Variants in SLCO1B1 observed in about 807,000 individuals in gnomAD.
SLCO1B1 encodes OATP-2.
Under a neutral mutation model 70.1 loss-of-function variants are expected in SLCO1B1, and 81 were observed. The observed-to-expected ratio is 1.16, with a 90% CI of 0.97 to 1.39. The LOEUF is 1.39. Ranked by LOEUF, SLCO1B1 falls within the 40% of genes most tolerant of loss-of-function variation. SLCO1B1 has a pLI of 0.00. For missense variants in SLCO1B1, 895 were observed against 799.6 expected (o/e 1.12, Z -1.44); for synonymous variants, 283 against 271.5 (o/e 1.04, Z -0.42).
intron 2 of SLCO1B1, among the ~76,000 whole-genome samples, chr12:21,142,069 T>TA (rs201192922): frequency 0.19 from 10,431 of 54,112 alleles, 1,057 homozygotes; most frequent in African/African-American, 0.28. Flanking sequence ...AAAAATTCTT[T>TA]TAAAAAAAAA....
At chr12:21,156,377 C>T (rs1045872997) in intron 2 of SLCO1B1, among the ~76,000 whole-genome samples, 6 of 152,034 alleles carry the variant, frequency 3.9e-5, no homozygotes, top group Admixed American at 3.3e-4. Context: ...GCAGCTAAAT[C>T]TAATGATATA....
At chr12:21,185,606 G>C (rs1201986973) in intron 7 of SLCO1B1, among the ~76,000 whole-genome samples, 1 of 151,874 alleles carries the variant, frequency 6.6e-6, no homozygotes, top group Non-Finnish European at 1.5e-5. Context: ...TTAAGAGGAA[G>C]TTTACAATGC....
chr12:21,232,162 T>G (rs1941545223), intron 14 of SLCO1B1, among the ~76,000 whole-genome samples: 1 of 152,086 alleles, frequency 6.6e-6, no homozygotes, highest in Admixed American at 6.6e-5. Context: ...CAGAAAGCAT[T>G]CATTCCCTGG....
At chr12:21,151,405 A>G (rs769245119) in intron 2 of SLCO1B1, among the ~76,000 whole-genome samples, 2 of 152,170 alleles carry the variant, frequency 1.3e-5, no homozygotes, top group Non-Finnish European at 2.9e-5. Context: ...CATGGGTAGT[A>G]TGAGTACCTG....
chr12:21,193,160 A>G (rs1056170533), intron 7 of SLCO1B1, among the ~76,000 whole-genome samples: 11 of 152,176 alleles, frequency 7.2e-5, no homozygotes, highest in South Asian at 6.2e-4. Context: ...TGAAAAGAAT[A>G]TACATTCTGT....
At chr12:21,183,019 G>A (rs76447555) in intron 7 of SLCO1B1, among the ~76,000 whole-genome samples, 6 of 152,022 alleles carry the variant, frequency 3.9e-5, no homozygotes, top group Non-Finnish European at 5.9e-5. Flanking sequence ...CGGGAGATTG[G>A]GGGGGTGTCC....
intron 14 of SLCO1B1, among the ~76,000 whole-genome samples, chr12:21,230,365 T>C (rs868498915): frequency 4.1e-5 from 6 of 146,834 alleles, no homozygotes; most frequent in South Asian, 2.2e-4. Context: ...AGTTTTGCTC[T>C]TGTTACCCAG....
chr12:21,224,858 A>G lies in SLCO1B1; in HGVS notation c.1865+19A>G. On this transcript the variant is annotated intron_variant, in intron 14 of 14. Coordinates refer to ENST00000256958, the MANE Select transcript of SLCO1B1 (RefSeq NM_006446.5). ...CATTTTCGTAAGTTGTCATAAATAT[A>G]TTTCATTATTTTTTCTTTGACTATA... 1.5e-6 allele frequency: 2 copies of G among 1,309,604 alleles called. No homozygotes were observed. Among genetic ancestry groups the G allele is most frequent in the South Asian group, 2.5e-5 (2 of 79,462 alleles). 81.1% of individuals were successfully genotyped at this position (1,309,604 alleles called of 1,614,324 possible).
At chr12:21,166,179 ATCTC>A (rs1940683004) in intron 2 of SLCO1B1, among the ~76,000 whole-genome samples, 1 of 152,150 alleles carries the variant, frequency 6.6e-6, no homozygotes, top group Non-Finnish European at 1.5e-5. Flanking sequence ...AAAATATATG[ATCTC>A]AATATCGTAG....
chr12:21,239,337 T>A lies in SLCO1B1; in HGVS notation c.*148T>A, dbSNP rs930862726. The A allele has an allele frequency of 1.0e-5, 7 of 689,560 alleles. No individual in the cohort carries two copies. Among genetic ancestry groups the A allele is most frequent in the Admixed American group, 8.8e-5 (4 of 45,440 alleles). The allele number at this position is 689,560 out of a possible 1,614,324, so 42.7% of individuals were successfully genotyped here. ...AAGTATAAATAAGCCTATGAACTTA[T>A]AATAAAACAAACTGTAGGTAGAAAA... On this transcript the variant is annotated 3_prime_UTR_variant, in exon 15 of 15. Coordinates refer to ENST00000256958, the MANE Select transcript of SLCO1B1 (RefSeq NM_006446.5).
intron 2 of SLCO1B1, among the ~76,000 whole-genome samples, chr12:21,151,681 G>A (rs1359581254): frequency 6.6e-6 from 1 of 152,054 alleles, no homozygotes; most frequent in African/African-American, 2.4e-5. Context: ...TTAACACCTT[G>A]CAAGGCTGAT....
intron 12 of SLCO1B1, among the ~76,000 whole-genome samples, chr12:21,218,339 T>A (rs766944953): frequency 6.6e-6 from 1 of 152,162 alleles, no homozygotes; most frequent in Non-Finnish European, 1.5e-5. Flanking sequence ...AATAATTGCT[T>A]TTAGATCTTA....
At chr12:21,146,677 A>C (rs1940386847) in intron 2 of SLCO1B1, among the ~76,000 whole-genome samples, 1 of 151,840 alleles carries the variant, frequency 6.6e-6, no homozygotes. Context: ...ATTTTTCTTC[A>C]GATTTCTTTT....
intron 14 of SLCO1B1, among the ~76,000 whole-genome samples, chr12:21,230,572 C>G: frequency 6.6e-6 from 1 of 151,724 alleles, no homozygotes; most frequent in Non-Finnish European, 1.5e-5. Flanking sequence ...TCAGGTGATC[C>G]GCCCACCTCG....
chr12:21,208,174 C>T (rs1941236413), intron 11 of SLCO1B1, among the ~76,000 whole-genome samples: 1 of 151,716 alleles, frequency 6.6e-6, no homozygotes, highest in Non-Finnish European at 1.5e-5. Context: ...TTTTTTGTTG[C>T]AATTGCTTTT....
chr12:21,224,652 A>G (rs917308380), intron 13 of SLCO1B1, 70 bp from the exon 14 acceptor site: 7 of 928,424 alleles, frequency 7.5e-6, no homozygotes, highest in Admixed American at 7.2e-5. Flanking sequence ...AAATATATCA[A>G]TGTGGAATAT....
At chr12:21,191,112 C>T (rs192186726) in intron 7 of SLCO1B1, among the ~76,000 whole-genome samples, 2 of 151,812 alleles carry the variant, frequency 1.3e-5, no homozygotes, top group Non-Finnish European at 2.9e-5. Context: ...GCTTTTTTGG[C>T]TATTTGATGT....
chr12:21,177,048 T>A, intron 5 of SLCO1B1, 151 bp downstream of exon 5: 1 of 637,450 alleles, frequency 1.6e-6, no homozygotes, highest in Non-Finnish European at 2.8e-6. Context: ...AGTGTTAATA[T>A]ACACAGTTCG....
Position 21,239,059 on chromosome 12 carries a change from A to C in SLCO1B1, c.1946A>C (p.Lys649Thr). 6.3e-7 allele frequency: 1 copy of C among 1,596,368 alleles called. No individual in the cohort carries two copies. Among genetic ancestry groups the C allele is most frequent in the Non-Finnish European group, 8.6e-7 (1 of 1,165,000 alleles). The change falls in exon 15 of 15, where the codon AAA becomes ACA. Residue 649 changes from lysine (K) to threonine (T), a missense_variant. Lys to Thr is a moderately conservative substitution (Grantham distance 78, BLOSUM62 -1). Coordinates refer to ENST00000256958, the MANE Select transcript of SLCO1B1 (RefSeq NM_006446.5). ...LYIILIYAMK[K>T]KYQEKDINAS... ...ATTATATTAATTTATGCCATGAAGA[A>C]AAAATATCAAGAGAAAGATATCAAT...
Sources: gnomAD v4.1 joint callset for allele counts (sites outside exome capture counted in the v4.1 genomes callset) on GRCh38, gnomAD v4.1.1 for gene constraint, MANE v1.5 for transcripts, NCBI Gene and HGNC (gene_info 2026-07-23, HGNC 2026-07-21) for gene names.